Variants in DAAM1 observed in about 807,000 individuals in gnomAD.
DAAM1 encodes the protein disheveled-associated activator of morphogenesis 1.
Under a neutral mutation model 130.0 loss-of-function variants are expected in DAAM1, and 52 were observed. The ratio of observed to expected loss-of-function variants is 0.40; its 90% confidence interval spans 0.32 to 0.50. DAAM1 has a LOEUF of 0.50. DAAM1 is among the 20% of genes least tolerant of loss of function. The probability of loss-of-function intolerance (pLI) is 0.61; values close to 1 mark genes in which losing one functional copy is unlikely to be tolerated. For missense variants in DAAM1, 1,134 were observed against 1,303.8 expected (o/e 0.87, Z 2.01); for synonymous variants, 452 against 444.5 (o/e 1.02, Z -0.21).
intron 1 of DAAM1, among the ~76,000 whole-genome samples, chr14:59,259,869 C>A (rs2139499287): frequency 6.6e-6 from 1 of 152,176 alleles, no homozygotes. Flanking sequence ...ATGGTGAAAC[C>A]CCATCTCTAC....
intron 2 of DAAM1, chr14:59,265,207 A>G (rs1455900745): frequency 1.3e-5 from 2 of 152,216 alleles, no homozygotes; most frequent in African/African-American, 4.8e-5. Context: ...AGCCAATATG[A>G]GAGAGGTTAT....
rs142984323 is a variant in DAAM1, at chr14:59,266,201, G to A, written c.183+2541G>A. 16 of 151,790 alleles carry A rather than the reference G, an allele frequency of 1.1e-4. No individual in the cohort carries two copies. The East Asian group carries it at 3.1e-3, about 29-fold the overall frequency. The allele number at this position is 151,790 out of a possible 1,614,324, so 9.4% of individuals were successfully genotyped here. On this transcript the variant is annotated intron_variant, in intron 2 of 24. Transcript: ENST00000360909. The stretch of plus-strand genomic sequence containing the variant: ...AAAAAGTCAACCAAAGGACATAGGT[G>A]TTGCTGATAGCTAATGACTGCCCTC...
In DAAM1 at chr14:59,360,842, G is replaced by C. The variant is rs1419335825; in HGVS notation, c.2674G>C (p.Gly892Arg). 1.9e-6 allele frequency: 3 copies of C among 1,613,848 alleles called. No individual in the cohort carries two copies. Among genetic ancestry groups the C allele is most frequent in the Non-Finnish European group, 2.5e-6 (3 of 1,179,880 alleles). ...CAAAGAAATAAGTACCTTGAGAAGTGGCTTGAAAGCAGTAGAGACAGTGAG... is the reference window on the plus strand; with the variant it reads ...CAAAGAAATAAGTACCTTGAGAAGTCGCTTGAAAGCAGTAGAGACAGTGAG... ...LDKEISTLRS[G>R]LKAVETELEY... The change falls in exon 22 of 25, where the codon GGC (glycine) becomes CGC (arginine). Residue 892 changes from glycine (G) to arginine (R), a missense_variant. Transcript: ENST00000360909.
At chr14:59,189,025 G>A (rs1489726140) in intron 1 of DAAM1, among the ~76,000 whole-genome samples, 1 of 152,234 alleles carries the variant, frequency 6.6e-6, no homozygotes, top group Non-Finnish European at 1.5e-5. Context: ...CGCAAACCGA[G>A]GCAGCAGGGA....
chr14:59,235,588 A>G (rs1889270150), intron 1 of DAAM1, among the ~76,000 whole-genome samples: 1 of 152,098 alleles, frequency 6.6e-6, no homozygotes, highest in Non-Finnish European at 1.5e-5. Context: ...TCAAAAAACC[A>G]GCTCCTGGAT....
rs114311154 is a variant in DAAM1, at chr14:59,261,946, G to A, written c.-37-1495G>A. 7.3e-3 allele frequency among the ~76,000 whole-genome samples: 1,105 copies of A among 152,130 alleles called. 15 individuals are homozygous for A. Among genetic ancestry groups the A allele is most frequent in the African/African-American group, 0.026 (1,072 of 41,496 alleles). On this transcript the variant is annotated intron_variant, in intron 1 of 24. Coordinates refer to ENST00000360909, the MANE Select transcript of DAAM1 (RefSeq NM_001270520.2). ...TCTATGTGTATACTTTTATATTTAA[G>A]TATATAAATAATGCATTCACAGCCT...
intron 2 of DAAM1, among the ~76,000 whole-genome samples, chr14:59,266,522 A>G (rs1411045257): frequency 1.3e-5 from 2 of 152,218 alleles, no homozygotes; most frequent in South Asian, 2.1e-4. Flanking sequence ...AAAATTGCCT[A>G]CAGCTGCTAG....
intron 1 of DAAM1, among the ~76,000 whole-genome samples, chr14:59,238,453 G>C (rs1417425540): frequency 6.6e-6 from 1 of 152,124 alleles, no homozygotes; most frequent in African/African-American, 2.4e-5. Flanking sequence ...TAGGTCGTCA[G>C]CTCCACAGTA....
intron 6 of DAAM1, among the ~76,000 whole-genome samples, chr14:59,323,818 G>A (rs887933056): frequency 2.0e-5 from 3 of 151,932 alleles, no homozygotes; most frequent in Non-Finnish European, 4.4e-5. Flanking sequence ...GGATCGCAAG[G>A]TCAGGAGATC....
At chr14:59,269,707 C>G (rs1307422749) in intron 2 of DAAM1, among the ~76,000 whole-genome samples, 2 of 152,144 alleles carry the variant, frequency 1.3e-5, no homozygotes, top group East Asian at 3.9e-4. Flanking sequence ...TCTTGGAAGC[C>G]TTCCTCGGGG....
intron 12 of DAAM1, among the ~76,000 whole-genome samples, chr14:59,329,556 A>G (rs1393781392): frequency 1.3e-5 from 2 of 152,234 alleles, no homozygotes; most frequent in Non-Finnish European, 2.9e-5. Context: ...CTCTATTAGT[A>G]TAGCTCGGCC....
chr14:59,257,757 G>C (rs1484047527), intron 1 of DAAM1, among the ~76,000 whole-genome samples: 3 of 152,154 alleles, frequency 2.0e-5, no homozygotes, highest in Non-Finnish European at 4.4e-5. Context: ...CCACGACTCA[G>C]CATCCACCAT....
intron 1 of DAAM1, among the ~76,000 whole-genome samples, chr14:59,236,728 G>A (rs757427127): frequency 3.9e-5 from 6 of 152,048 alleles, no homozygotes; most frequent in African/African-American, 7.2e-5. Flanking sequence ...GGTGGGTAAC[G>A]CTCATCTGTC....
At chr14:59,319,061 G>A (rs1957405) in intron 4 of DAAM1, among the ~76,000 whole-genome samples, 149,826 of 152,278 alleles carry the variant, frequency 0.98, 73,752 homozygotes, top group East Asian at 1. Flanking sequence ...AACGAGTTCA[G>A]CTATGTCATT....
In DAAM1 at chr14:59,222,789, G is replaced by C. The variant is rs542086013; in HGVS notation, c.-38+34021G>C. Among the ~76,000 whole-genome samples the C allele has an allele frequency of 6.6e-5, 10 of 152,306 alleles. No individual in the cohort carries two copies. The South Asian group carries it at 2.1e-3, about 32-fold the overall frequency. ...GGTCTGTCAACATACTTCTCCCCCA[G>C]ATTTCTTTGTGACCGATTTTCCAAT... On this transcript the variant is annotated intron_variant, in intron 1 of 24. Coordinates refer to ENST00000360909, the MANE Select transcript of DAAM1 (RefSeq NM_001270520.2).
chr14:59,213,410 A>G (rs1264147299), intron 1 of DAAM1, among the ~76,000 whole-genome samples: 1 of 151,584 alleles, frequency 6.6e-6, no homozygotes, highest in Non-Finnish European at 1.5e-5. Context: ...CTTGTTTCAC[A>G]CATGATTAAA....
At chr14:59,253,299 T>C (rs970603619) in intron 1 of DAAM1, among the ~76,000 whole-genome samples, 8 of 152,220 alleles carry the variant, frequency 5.3e-5, no homozygotes, top group Non-Finnish European at 1.0e-4. Context: ...CTATGTGATA[T>C]TGTGTCTATC....
intron 4 of DAAM1, among the ~76,000 whole-genome samples, chr14:59,316,092 TC>T (rs1414366964): frequency 2.0e-5 from 3 of 152,132 alleles, no homozygotes; most frequent in African/African-American, 7.2e-5. Flanking sequence ...GTAGCTTAAA[TC>T]CCATCCCTGT....
intron 2 of DAAM1, chr14:59,264,000 AT>A (rs1195421252): frequency 1.2e-4 from 43 of 345,742 alleles, no homozygotes. Context: ...ATGCTAAATA[AT>A]TCCTTCATTT....
Sources: allele counts gnomAD v4.1 joint callset (sites outside exome capture counted in the v4.1 genomes callset), GRCh38; gene constraint gnomAD v4.1.1; transcripts MANE v1.5; gene names NCBI Gene and HGNC (gene_info 2026-07-23, HGNC 2026-07-21).